Variants in PDZRN4 observed in about 807,000 individuals in gnomAD.
The protein encoded by PDZRN4 is PDZ domain containing ring finger 4, also known as PDZ domain-containing RING finger protein 4.
Under a neutral mutation model 99.0 loss-of-function variants are expected in PDZRN4, and 70 were observed. The ratio of observed to expected loss-of-function variants is 0.71; its 90% CI spans 0.58 to 0.86. The LOEUF (loss-of-function observed/expected upper bound fraction) is 0.86, where lower values mean the gene tolerates loss of function less well. Ranked by LOEUF, PDZRN4 falls within the 40% of genes least tolerant of loss-of-function variation. The probability of loss-of-function intolerance (pLI) is 0.00; values close to 1 mark genes in which losing one functional copy is unlikely to be tolerated. For synonymous variants in PDZRN4, 551 were observed against 501.6 expected (o/e 1.10, Z -1.32); for missense variants, 1,474 against 1,331.2 (o/e 1.11, Z -1.67).
chr12:41,214,430 T>TAAAAAAAAAAGAAA (rs1950907734), intron 3 of PDZRN4, among the ~76,000 whole-genome samples: 1 of 34,078 alleles, frequency 2.9e-5, no homozygotes, highest in African/African-American at 8.3e-5. Context: ...CCCTGTCCCC[T>TAAAAAAAAAAGAAA]AAAAAAAAAA....
At chr12:41,250,726 G>A (rs935507806) in intron 3 of PDZRN4, among the ~76,000 whole-genome samples, 2 of 152,222 alleles carry the variant, frequency 1.3e-5, no homozygotes, top group African/African-American at 4.8e-5. Flanking sequence ...GCACTTACGT[G>A]TTGAGAGGAA....
At chr12:41,268,956 T>C (rs980167998) in intron 3 of PDZRN4, among the ~76,000 whole-genome samples, 3 of 152,196 alleles carry the variant, frequency 2.0e-5, no homozygotes, top group Non-Finnish European at 4.4e-5. Context: ...AATACAATTC[T>C]GTATAGTAAC....
intron 3 of PDZRN4, among the ~76,000 whole-genome samples, chr12:41,426,123 C>G (rs1324608108): frequency 1.3e-5 from 2 of 152,010 alleles, no homozygotes; most frequent in Non-Finnish European, 2.9e-5. Context: ...TGAGGTGGAC[C>G]CTGAAATCTA....
At chr12:41,281,530 G>A (rs186939224) in intron 3 of PDZRN4, among the ~76,000 whole-genome samples, 97 of 152,262 alleles carry the variant, frequency 6.4e-4, no homozygotes, top group African/African-American at 2.3e-3. Context: ...TAAATGACCC[G>A]ATGGAGCTGA....
chr12:41,220,251 C>T (rs1401631721), intron 3 of PDZRN4, among the ~76,000 whole-genome samples: 1 of 152,046 alleles, frequency 6.6e-6, no homozygotes, highest in Non-Finnish European at 1.5e-5. Context: ...CCCGTGAGTC[C>T]TTTTTCCTTG....
At chr12:41,323,362 C>T (rs1029526136) in intron 3 of PDZRN4, among the ~76,000 whole-genome samples, 4 of 151,638 alleles carry the variant, frequency 2.6e-5, no homozygotes, top group African/African-American at 9.7e-5. Flanking sequence ...AAATATTGAC[C>T]TCATTCTTAC....
intron 5 of PDZRN4, among the ~76,000 whole-genome samples, chr12:41,537,449 A>G (rs920502744): frequency 1.3e-5 from 2 of 152,266 alleles, no homozygotes; most frequent in East Asian, 3.9e-4. Context: ...AGTGGCATAC[A>G]TTTTTTGTGA....
At chr12:41,357,861 T>C in intron 3 of PDZRN4, among the ~76,000 whole-genome samples, 1 of 151,926 alleles carries the variant, frequency 6.6e-6, no homozygotes, top group East Asian at 1.9e-4. Flanking sequence ...TATCCCTCAG[T>C]TTTCTAACAA....
Position 41,284,502 on chromosome 12 carries a change from A to G in PDZRN4, c.843+90314A>G, listed in dbSNP as rs764130258. 5.9e-4 allele frequency among the ~76,000 whole-genome samples: 90 copies of G among 152,108 alleles called. 1 individual carries two copies. Among genetic ancestry groups the G allele is most frequent in the Non-Finnish European group, 5.9e-5 (4 of 68,026 alleles). ...GACTTTCTTCACAGAATTAGAAAAA[A>G]CTACTTTAAATTTCAAATGGAACCA... is the stretch of plus-strand genomic sequence containing the variant. On this transcript the variant is annotated intron_variant, in intron 3 of 9. Transcript: ENST00000402685.
intron 3 of PDZRN4, among the ~76,000 whole-genome samples, chr12:41,196,601 T>C (rs972526404): frequency 2.0e-5 from 3 of 152,126 alleles, no homozygotes; most frequent in Non-Finnish European, 2.9e-5. Flanking sequence ...TAATATCTAG[T>C]TAAACAAGAA....
intron 3 of PDZRN4, among the ~76,000 whole-genome samples, chr12:41,340,449 G>C (rs977015547): frequency 4.0e-5 from 6 of 151,716 alleles, no homozygotes; most frequent in African/African-American, 1.5e-4. Flanking sequence ...TGAGGTTGGG[G>C]GTGAGGAAGT....
At chr12:41,254,186 A>G (rs1432482724) in intron 3 of PDZRN4, among the ~76,000 whole-genome samples, 1 of 152,182 alleles carries the variant, frequency 6.6e-6, no homozygotes, top group East Asian at 1.9e-4. Context: ...AAAGGAAAAA[A>G]AAGTATACAT....
intron 3 of PDZRN4, among the ~76,000 whole-genome samples, chr12:41,394,174 G>T (rs979088810): frequency 7.9e-5 from 12 of 152,014 alleles, no homozygotes; most frequent in African/African-American, 2.9e-4. Context: ...AGGGCTCTCT[G>T]GGGTTCCTAT....
At chr12:41,408,454 T>G (rs1338250447) in intron 3 of PDZRN4, among the ~76,000 whole-genome samples, 2 of 152,130 alleles carry the variant, frequency 1.3e-5, no homozygotes, top group Non-Finnish European at 2.9e-5. Context: ...AGTGGAAGTG[T>G]GGGGGAGCTG....
At chr12:41,552,280 C>T (rs1939071241) in intron 5 of PDZRN4, among the ~76,000 whole-genome samples, 1 of 152,090 alleles carries the variant, frequency 6.6e-6, no homozygotes, top group South Asian at 2.1e-4. Context: ...AGTAACTCCT[C>T]ATGTTTTTAT....
chr12:41,509,879 C>G lies in PDZRN4; in HGVS notation c.1169C>G (p.Ala390Gly). Reference protein sequence around the residue: ...EDNEYISSLPADADRTEDFEY... With the variant: ...EDNEYISSLPGDADRTEDFEY... The stretch of plus-strand genomic sequence containing the variant: ...AATGAGTATATTTCCAGCTTGCCTG[C>G]TGATGCAGACAGAACAGAAGACTTT... Residue 390 changes from alanine (A) to glycine (G), a missense_variant, in exon 5 of 10, where the codon GCT becomes GGT. Physicochemically the swap from Ala to Gly is moderately conservative, Grantham distance 60. Transcript: ENST00000402685. 6.3e-7 allele frequency: 1 copy of G among 1,596,716 alleles called. No homozygotes were observed. The highest frequency in any genetic ancestry group is 8.6e-7 in the Non-Finnish European group (1 of 1,166,862).
chr12:41,372,718 T>C (rs1478170661), intron 3 of PDZRN4, among the ~76,000 whole-genome samples: 1 of 152,116 alleles, frequency 6.6e-6, no homozygotes, highest in Non-Finnish European at 1.5e-5. Flanking sequence ...CACTTAAGTC[T>C]AGAGAAGAGG....
intron 3 of PDZRN4, among the ~76,000 whole-genome samples, chr12:41,250,841 T>G (rs1951164794): frequency 6.6e-6 from 1 of 152,206 alleles, no homozygotes; most frequent in Non-Finnish European, 1.5e-5. Flanking sequence ...TAAGCAGATG[T>G]TATTGTTTGT....
chr12:41,270,311 G>GGTGTGT lies in PDZRN4; in HGVS notation c.843+76132_843+76137dup, dbSNP rs376382425. On this transcript the variant is annotated intron_variant, in intron 3 of 9. Transcript: ENST00000402685. ...GGTGTGTGTGTGTGTCTGTGTGTGT[G>GGTGTGT]GTGTGTGTGTGTGTCTGTGTGTGTG... Among the ~76,000 whole-genome samples, 310 of 145,094 alleles carry GGTGTGT rather than the reference G, an allele frequency of 2.1e-3. 1 individual carries two copies. The highest frequency in any genetic ancestry group is 7.3e-3 in the African/African-American group (274 of 37,370).
Sources: allele counts gnomAD v4.1 joint callset (sites outside exome capture counted in the v4.1 genomes callset), GRCh38; gene constraint gnomAD v4.1.1; transcripts MANE v1.5; gene names NCBI Gene and HGNC (gene_info 2026-07-23, HGNC 2026-07-21).